PRKCH: variants seen among roughly 807,000 people sequenced by gnomAD.
The protein encoded by PRKCH is protein kinase C eta type.
In PRKCH, 28 loss-of-function variants were observed where a neutral mutation model predicts 82.5. That is an observed-to-expected ratio of 0.34 (90% CI 0.25 to 0.47). The LOEUF (loss-of-function observed/expected upper bound fraction) is 0.47, where lower values mean the gene tolerates loss of function less well. Ranked by LOEUF, PRKCH falls within the 20% of genes least tolerant of loss-of-function variation. The probability of loss-of-function intolerance (pLI) is 1.00; values close to 1 mark genes in which losing one functional copy is unlikely to be tolerated. For synonymous variants in PRKCH, 322 were observed against 327.4 expected, an observed-to-expected ratio of 0.98 and a Z score of 0.18; for missense variants, 705 against 881.8, an observed-to-expected ratio of 0.80 and a Z score of 2.54.
chr14:61,349,150 A>G (rs77315139), intron 1 of PRKCH, among the ~76,000 whole-genome samples: 3,730 of 152,270 alleles, frequency 0.024, 144 homozygotes, highest in African/African-American at 0.085. Flanking sequence ...TTCCTTTTGT[A>G]TGCATTTTCT....
intron 1 of PRKCH, among the ~76,000 whole-genome samples, chr14:61,360,522 A>G (rs1468080957): frequency 6.6e-6 from 1 of 152,140 alleles, no homozygotes; most frequent in Non-Finnish European, 1.5e-5. Context: ...AAGAAAAAAG[A>G]AAAAAGAAAA....
At chr14:61,228,095 G>A (rs375221143) in intron 1 of PRKCH, among the ~76,000 whole-genome samples, 3 of 152,088 alleles carry the variant, frequency 2.0e-5, no homozygotes, top group Admixed American at 6.5e-5. Context: ...CTGAGTCATG[G>A]GTCAAATGTT....
At chr14:61,512,201 A>G (rs973695410) in intron 10 of PRKCH, among the ~76,000 whole-genome samples, 1 of 151,020 alleles carries the variant, frequency 6.6e-6, no homozygotes, top group African/African-American at 2.4e-5. Context: ...CTCTGAGGAC[A>G]GGATTTCATA....
At chr14:61,387,906 G>A (rs758186261) in intron 1 of PRKCH, among the ~76,000 whole-genome samples, 130 of 152,170 alleles carry the variant, frequency 8.5e-4, no homozygotes, top group Non-Finnish European at 1.7e-3. Context: ...CCAGCACTTT[G>A]GGAGGCTGAG....
chr14:61,308,004 T>C (rs1441638221), intron 1 of PRKCH, among the ~76,000 whole-genome samples: 1 of 152,128 alleles, frequency 6.6e-6, no homozygotes, highest in Non-Finnish European at 1.5e-5. Flanking sequence ...ACCTGGCTAA[T>C]TTTTAATTTT....
At chr14:61,539,424 G>C (rs1048261894) in intron 12 of PRKCH, among the ~76,000 whole-genome samples, 1 of 152,184 alleles carries the variant, frequency 6.6e-6, no homozygotes, top group African/African-American at 2.4e-5. Flanking sequence ...TTAGTGTACT[G>C]AGTTTCATCG....
chr14:61,311,326 C>T (rs531978263), intron 1 of PRKCH, among the ~76,000 whole-genome samples: 3 of 152,228 alleles, frequency 2.0e-5, no homozygotes, highest in East Asian at 1.9e-4. Context: ...AATTTCAGAT[C>T]GTCTCTCTCA....
At chr14:61,239,241 C>G (rs78109266) in intron 1 of PRKCH, among the ~76,000 whole-genome samples, 17,559 of 152,186 alleles carry the variant, frequency 0.12, 1,130 homozygotes, top group African/African-American at 0.18. Flanking sequence ...TTAACTGTCA[C>G]AATCCATTTT....
rs1555371277 is a variant in PRKCH, at chr14:61,247,755, A to AAAAAG, written c.-19+60090_-19+60091insAGAAA. ...CATCTCAAAAAAAAAAAAAAAAAAA[A>AAAAAG]AAAGAAAGAAAGAAAGGAATTGAAC... On this transcript the variant is annotated intron_variant, in intron 1 of 3. Coordinates refer to the PRKCH transcript ENST00000555185. 2.4e-4 allele frequency among the ~76,000 whole-genome samples: 36 copies of AAAAAG among 149,440 alleles called. No individual in the cohort carries two copies. In the East Asian group the frequency reaches 4.1e-3, roughly 17 times the overall value.
At chr14:61,497,254 T>C (rs189706651) in intron 10 of PRKCH, among the ~76,000 whole-genome samples, 65 of 152,302 alleles carry the variant, frequency 4.3e-4, no homozygotes, top group Non-Finnish European at 4.6e-4. Context: ...TGTGGGATCT[T>C]GATCAGGTTA....
chr14:61,522,082 A>T (rs2042914328), intron 10 of PRKCH, among the ~76,000 whole-genome samples: 1 of 152,170 alleles, frequency 6.6e-6, no homozygotes, highest in African/African-American at 2.4e-5. Flanking sequence ...AAAGTAGCTC[A>T]ATCTGTCCAA....
chr14:61,518,317 A>G (rs4312236), intron 10 of PRKCH, among the ~76,000 whole-genome samples: 20,065 of 151,942 alleles, frequency 0.13, 1,428 homozygotes, highest in African/African-American at 0.18. Context: ...CGGTGAGAGA[A>G]GTTTTCTTGG....
At chr14:61,200,976 A>G (rs2140038593) in intron 1 of PRKCH, among the ~76,000 whole-genome samples, 1 of 152,274 alleles carries the variant, frequency 6.6e-6, no homozygotes, top group East Asian at 1.9e-4. Flanking sequence ...ACAAGAAAAT[A>G]GGCAATTAGA....
At chr14:61,539,307 T>G (rs2043151686) in intron 12 of PRKCH, among the ~76,000 whole-genome samples, 1 of 152,176 alleles carries the variant, frequency 6.6e-6, no homozygotes, top group Admixed American at 6.5e-5. Flanking sequence ...TATGTGCTTA[T>G]GAAGGGCTGC....
intron 2 of PRKCH, among the ~76,000 whole-genome samples, chr14:61,405,194 C>T (rs1006145028): frequency 1.3e-5 from 2 of 152,178 alleles, no homozygotes; most frequent in African/African-American, 4.8e-5. Flanking sequence ...GAGCCAATCC[C>T]CAGCTTAATA....
At chr14:61,315,526 G>C (rs978396309) in intron 1 of PRKCH, among the ~76,000 whole-genome samples, 6 of 152,064 alleles carry the variant, frequency 3.9e-5, no homozygotes, top group African/African-American at 1.4e-4. Context: ...CAGAAGCCAA[G>C]GTAACAGCTG....
intron 10 of PRKCH, 102 bp from the exon 11 acceptor site, chr14:61,528,973 C>CGTGTGGGTGT: frequency 1.8e-6 from 1 of 565,718 alleles, no homozygotes; most frequent in Non-Finnish European, 2.6e-6. Flanking sequence ...TGTGGCCGCA[C>CGTGTGGGTGT]GTGTGTGTGT....
intron 1 of PRKCH, among the ~76,000 whole-genome samples, chr14:61,348,759 C>T (rs1454791168): frequency 6.6e-6 from 1 of 152,252 alleles, no homozygotes; most frequent in Non-Finnish European, 1.5e-5. Context: ...CATCTTTCCA[C>T]CCCCACTATT....
chr14:61,443,938 G>A (rs1410288755), intron 3 of PRKCH, among the ~76,000 whole-genome samples: 1 of 152,192 alleles, frequency 6.6e-6, no homozygotes, highest in Non-Finnish European at 1.5e-5. Flanking sequence ...AAGAAAGAAA[G>A]ATGCCCTCAC....
Sources: gnomAD v4.1 joint callset for allele counts (sites outside exome capture counted in the v4.1 genomes callset) on GRCh38, gnomAD v4.1.1 for gene constraint, MANE v1.5 for transcripts, NCBI Gene and HGNC (gene_info 2026-07-23, HGNC 2026-07-21) for gene names.